The following KCNB2 variants were observed in gnomAD, a reference collection of about 807,000 sequenced individuals.
The protein encoded by KCNB2 is delayed rectifier potassium channel protein.
In KCNB2, 15 loss-of-function variants were observed where a neutral mutation model predicts 61.5. The observed-to-expected ratio is 0.24, with a 90% CI of 0.16 to 0.38. KCNB2 has a LOEUF of 0.38. KCNB2 is among the 10% of genes least tolerant of loss of function. The pLI, the probability that KCNB2 is intolerant of heterozygous loss-of-function variation, is 1.00. For synonymous variants in KCNB2, 457 were observed against 446.0 expected (o/e 1.02, Z -0.31); for missense variants, 828 against 1,125.2 (o/e 0.74, Z 3.78).
chr8:72,789,316 A>G (rs970578105), intron 2 of KCNB2, among the ~76,000 whole-genome samples: 23 of 152,242 alleles, frequency 1.5e-4, no homozygotes, highest in Admixed American at 1.5e-3. Context: ...TCAACGGCTC[A>G]TAATTGAAAA....
intron 2 of KCNB2, among the ~76,000 whole-genome samples, chr8:72,585,695 A>T (rs1033424634): frequency 1.3e-5 from 2 of 152,192 alleles, no homozygotes; most frequent in Admixed American, 1.3e-4. Context: ...CAGAAGTTAT[A>T]TCAATGATGG....
chr8:72,549,901 T>C (rs1436374756), intron 1 of KCNB2, among the ~76,000 whole-genome samples: 2 of 152,170 alleles, frequency 1.3e-5, no homozygotes, highest in African/African-American at 4.8e-5. Context: ...AGAAACTAAT[T>C]CTAATTAAAT....
chr8:72,726,290 A>T (rs761990400), intron 2 of KCNB2, among the ~76,000 whole-genome samples: 8 of 152,216 alleles, frequency 5.3e-5, no homozygotes, highest in African/African-American at 1.9e-4. Flanking sequence ...GAAACCAACC[A>T]TACTGGCACC....
At chr8:72,564,521 C>T (rs1806591447) in intron 1 of KCNB2, among the ~76,000 whole-genome samples, 1 of 152,032 alleles carries the variant, frequency 6.6e-6, no homozygotes, top group Non-Finnish European at 1.5e-5. Flanking sequence ...GACAGTGTAC[C>T]TACAACTAAG....
chr8:72,717,327 G>A (rs1341047594), intron 2 of KCNB2, among the ~76,000 whole-genome samples: 8 of 152,066 alleles, frequency 5.3e-5, no homozygotes, highest in Admixed American at 1.3e-4. Flanking sequence ...AAGTTCATAC[G>A]GAACCAAAAA....
intron 2 of KCNB2, among the ~76,000 whole-genome samples, chr8:72,721,344 C>T (rs1435841310): frequency 6.6e-6 from 1 of 152,178 alleles, no homozygotes; most frequent in Non-Finnish European, 1.5e-5. Context: ...GAAATGAGTT[C>T]AGTGTGCTCT....
intron 2 of KCNB2, among the ~76,000 whole-genome samples, chr8:72,585,865 A>G (rs1806994393): frequency 6.6e-6 from 1 of 152,238 alleles, no homozygotes. Flanking sequence ...GTCATTTGAT[A>G]TTTTAAAAAT....
chr8:72,806,097 C>T (rs187116200), intron 2 of KCNB2, among the ~76,000 whole-genome samples: 96 of 152,208 alleles, frequency 6.3e-4, no homozygotes, highest in Admixed American at 2.4e-3. Flanking sequence ...TGGTGGCTCA[C>T]GCCTGTAATC....
chr8:72,639,577 T>C (rs891640125), intron 2 of KCNB2, among the ~76,000 whole-genome samples: 19 of 152,096 alleles, frequency 1.2e-4, no homozygotes, highest in African/African-American at 4.3e-4. Context: ...GATAGGAGCA[T>C]GCTCTTTCCT....
intron 2 of KCNB2, among the ~76,000 whole-genome samples, chr8:72,899,973 C>A (rs1261455090): frequency 1.3e-5 from 2 of 152,078 alleles, no homozygotes; most frequent in African/African-American, 4.8e-5. Flanking sequence ...AGTTCAAGAC[C>A]AGCTTGGGCA....
At chr8:72,842,359 C>A (rs6999682) in intron 2 of KCNB2, among the ~76,000 whole-genome samples, 4,645 of 152,236 alleles carry the variant, frequency 0.031, 246 homozygotes, top group African/African-American at 0.1. Context: ...AGGATTTTCT[C>A]ATCAATGTTC....
chr8:72,849,855 C>T (rs1229836540), intron 2 of KCNB2, among the ~76,000 whole-genome samples: 3 of 152,128 alleles, frequency 2.0e-5, no homozygotes, highest in Non-Finnish European at 4.4e-5. Flanking sequence ...GACTTTGACT[C>T]CAAAACCTAA....
chr8:72,934,409 A>AG (rs1259571943), intron 2 of KCNB2, among the ~76,000 whole-genome samples: 1 of 151,568 alleles, frequency 6.6e-6, no homozygotes, highest in African/African-American at 2.4e-5. Context: ...AAAAAAAAAA[A>AG]AAAAAGTAAA....
At chr8:72,548,506 G>A (rs1413801149) in intron 1 of KCNB2, among the ~76,000 whole-genome samples, 2 of 152,080 alleles carry the variant, frequency 1.3e-5, no homozygotes, top group Admixed American at 6.6e-5. Context: ...CCACCTTCTG[G>A]GAGGTTCTTC....
intron 2 of KCNB2, among the ~76,000 whole-genome samples, chr8:72,841,771 A>G (rs1016810310): frequency 1.1e-4 from 17 of 152,178 alleles, no homozygotes; most frequent in East Asian, 1.9e-4. Context: ...ATTTTTGCAC[A>G]TTGATTTTGT....
At chr8:72,921,150 A>G (rs13268439) in intron 2 of KCNB2, among the ~76,000 whole-genome samples, 73,370 of 151,922 alleles carry the variant, frequency 0.48, 18,783 homozygotes, top group Middle Eastern at 0.6. Flanking sequence ...ATAATTTAAT[A>G]TAATAATTAC....
Position 72,776,919 on chromosome 8 carries a change from C to T in KCNB2, c.580-159016C>T, listed in dbSNP as rs146001830. Among the ~76,000 whole-genome samples, 103 of 152,188 alleles carry T rather than the reference C, an allele frequency of 6.8e-4. 1 individual carries two copies. The highest frequency in any genetic ancestry group is 2.4e-3 in the African/African-American group (98 of 41,520). On this transcript the variant is annotated intron_variant, in intron 2 of 2. Coordinates refer to ENST00000523207, the MANE Select transcript of KCNB2 (RefSeq NM_004770.3). ...AGAGGGTTCAATGACTTTTGAGGTTCCTTCCAGTTTGACATTCTAGGACTT... is the reference window on the plus strand; with the variant it reads ...AGAGGGTTCAATGACTTTTGAGGTTTCTTCCAGTTTGACATTCTAGGACTT...
intron 2 of KCNB2, among the ~76,000 whole-genome samples, chr8:72,714,424 C>A (rs1190528983): frequency 6.6e-6 from 1 of 152,162 alleles, no homozygotes; most frequent in Non-Finnish European, 1.5e-5. Flanking sequence ...GGTCAGGTTA[C>A]CCACAAAGGG....
intron 1 of KCNB2, among the ~76,000 whole-genome samples, chr8:72,545,527 G>A (rs1056829094): frequency 2.0e-5 from 3 of 152,080 alleles, no homozygotes; most frequent in Admixed American, 2.0e-4. Flanking sequence ...TAAACTTAAT[G>A]GATGAATGTT....
Sources: allele counts gnomAD v4.1 joint callset (sites outside exome capture counted in the v4.1 genomes callset), GRCh38; gene constraint gnomAD v4.1.1; transcripts MANE v1.5; gene names NCBI Gene and HGNC (gene_info 2026-07-23, HGNC 2026-07-21).